Variants in EPHA3 observed in about 807,000 individuals in gnomAD.
EPHA3 encodes EPH receptor A3.
EPHA3 carries 42 observed loss-of-function variants against 107.1 expected under a neutral mutation model. That is an observed-to-expected ratio of 0.39 (90% CI 0.31 to 0.51). The LOEUF (loss-of-function observed/expected upper bound fraction) is 0.51, where lower values mean the gene tolerates loss of function less well. Ranked by LOEUF, EPHA3 falls within the 20% of genes least tolerant of loss-of-function variation. EPHA3 has a pLI of 0.78. For missense variants in EPHA3, 1,183 were observed against 1,211.2 expected, an observed-to-expected ratio of 0.98 and a Z score of 0.35; for synonymous variants, 461 against 424.8, an observed-to-expected ratio of 1.09 and a Z score of -1.05.
chr3:89,326,544 C>T (rs902734814), intron 3 of EPHA3, among the ~76,000 whole-genome samples: 11 of 151,964 alleles, frequency 7.2e-5, no homozygotes, highest in Non-Finnish European at 1.6e-4. Context: ...CAAGTGCCAC[C>T]ACACCCTGCT....
intron 3 of EPHA3, among the ~76,000 whole-genome samples, chr3:89,335,852 T>C (rs1707380618): frequency 6.6e-6 from 1 of 152,192 alleles, no homozygotes; most frequent in Non-Finnish European, 1.5e-5. Flanking sequence ...TTTCCACGTG[T>C]TTGACTGACA....
intron 13 of EPHA3, among the ~76,000 whole-genome samples, chr3:89,442,970 G>A (rs1374398021): frequency 1.3e-5 from 2 of 152,082 alleles, no homozygotes; most frequent in East Asian, 3.9e-4. Flanking sequence ...TAGTTGTGAT[G>A]TTCTATTTTC....
At chr3:89,362,984 G>T (rs1200840850) in intron 5 of EPHA3, among the ~76,000 whole-genome samples, 1 of 150,962 alleles carries the variant, frequency 6.6e-6, no homozygotes, top group East Asian at 1.9e-4. Context: ...GATAAGATTT[G>T]TAAGATGATT....
chr3:89,225,760 G>A (rs1039109751), intron 3 of EPHA3, among the ~76,000 whole-genome samples: 6 of 152,090 alleles, frequency 3.9e-5, no homozygotes, highest in Non-Finnish European at 7.4e-5. Flanking sequence ...AAAGCTCATA[G>A]GAGATGAAAA....
chr3:89,439,865 G>A (rs1709750266), intron 13 of EPHA3, among the ~76,000 whole-genome samples: 1 of 152,012 alleles, frequency 6.6e-6, no homozygotes, highest in Admixed American at 6.6e-5. Context: ...TTTCATGAGA[G>A]TCCGAAAGTA....
At chr3:89,121,760 A>C (rs1466749620) in intron 1 of EPHA3, among the ~76,000 whole-genome samples, 1 of 152,084 alleles carries the variant, frequency 6.6e-6, no homozygotes, top group Non-Finnish European at 1.5e-5. Context: ...CGTCTCAAAA[A>C]AAAAAAAAAA....
chr3:89,133,423 A>AT (rs1435387932), intron 2 of EPHA3, among the ~76,000 whole-genome samples: 2 of 152,144 alleles, frequency 1.3e-5, no homozygotes, highest in East Asian at 1.9e-4. Flanking sequence ...CAATCATCAC[A>AT]TTTTTGTCAA....
At chr3:89,429,389 CAA>C (rs960958302) in intron 12 of EPHA3, among the ~76,000 whole-genome samples, 7 of 151,938 alleles carry the variant, frequency 4.6e-5, no homozygotes, top group African/African-American at 1.7e-4. Flanking sequence ...AGTTCTTCTT[CAA>C]AAGACTCTTT....
intron 15 of EPHA3, among the ~76,000 whole-genome samples, chr3:89,460,809 ATC>A (rs1710215912): frequency 7.4e-6 from 1 of 135,278 alleles, no homozygotes; most frequent in South Asian, 2.2e-4. Flanking sequence ...TACCCAAGTG[ATC>A]TCTCTGTCTC....
At chr3:89,241,002 T>A (rs1559615135) in intron 3 of EPHA3, among the ~76,000 whole-genome samples, 1 of 152,106 alleles carries the variant, frequency 6.6e-6, no homozygotes, top group Non-Finnish European at 1.5e-5. Flanking sequence ...TATAAACGTA[T>A]AATTTATCTT....
At chr3:89,379,662 A>G (rs1282557710) in intron 5 of EPHA3, among the ~76,000 whole-genome samples, 1 of 152,310 alleles carries the variant, frequency 6.6e-6, no homozygotes, top group African/African-American at 2.4e-5. Context: ...CCTATGTTAC[A>G]AATAAGTTTC....
chr3:89,339,549 A>G (rs1707470467), intron 3 of EPHA3, among the ~76,000 whole-genome samples: 1 of 152,164 alleles, frequency 6.6e-6, no homozygotes, highest in Non-Finnish European at 1.5e-5. Context: ...AATGATTGCT[A>G]TCATTTTAAG....
chr3:89,400,298 G>C (rs1708934311), intron 7 of EPHA3: 2 of 170,166 alleles, frequency 1.2e-5, no homozygotes, highest in African/African-American at 4.8e-5. Flanking sequence ...CCGCCTCCTG[G>C]CTTCACGCCA....
chr3:89,117,997 T>C (rs996590760), intron 1 of EPHA3, among the ~76,000 whole-genome samples: 7 of 152,058 alleles, frequency 4.6e-5, no homozygotes, highest in African/African-American at 1.7e-4. Flanking sequence ...TTATGAAATC[T>C]ATAAACACCA....
At chr3:89,224,926 C>T (rs1487315446) in intron 3 of EPHA3, among the ~76,000 whole-genome samples, 2 of 151,730 alleles carry the variant, frequency 1.3e-5, no homozygotes, top group Admixed American at 1.3e-4. Flanking sequence ...CTCTTTGATG[C>T]TGAAAAATAT....
At chr3:89,233,410 G>C (rs1232562046) in intron 3 of EPHA3, among the ~76,000 whole-genome samples, 1 of 152,100 alleles carries the variant, frequency 6.6e-6, no homozygotes, top group African/African-American at 2.4e-5. Context: ...TTTTTGTCCA[G>C]TTGTTAAGGC....
chr3:89,453,467 G>A (rs1024571732), intron 15 of EPHA3, among the ~76,000 whole-genome samples: 5 of 151,714 alleles, frequency 3.3e-5, no homozygotes, highest in Non-Finnish European at 7.4e-5. Flanking sequence ...GAACTAATTT[G>A]ATGTATTTTG....
At chr3:89,138,915 C>T (rs1429724583) in intron 2 of EPHA3, among the ~76,000 whole-genome samples, 1 of 151,350 alleles carries the variant, frequency 6.6e-6, no homozygotes, top group Non-Finnish European at 1.5e-5. Flanking sequence ...ACTTGTAGGA[C>T]CTATAGAGGA....
At chr3:89,453,367 T>C (rs1165493637) in intron 15 of EPHA3, among the ~76,000 whole-genome samples, 2 of 152,162 alleles carry the variant, frequency 1.3e-5, no homozygotes, top group African/African-American at 4.8e-5. Flanking sequence ...TGTCCTAGCA[T>C]CCAAATTTTA....
Sources: allele counts gnomAD v4.1 joint callset (sites outside exome capture counted in the v4.1 genomes callset), GRCh38; gene constraint gnomAD v4.1.1; transcripts MANE v1.5; gene names NCBI Gene and HGNC (gene_info 2026-07-23, HGNC 2026-07-21).